The following WDFY2 variants were observed in gnomAD, a reference collection of about 807,000 sequenced individuals.
The protein encoded by WDFY2 is WD repeat and FYVE domain containing 2.
Under a neutral mutation model 56.4 loss-of-function variants are expected in WDFY2, and 36 were observed. The ratio of observed to expected loss-of-function variants is 0.64; its 90% CI spans 0.49 to 0.84. The LOEUF (loss-of-function observed/expected upper bound fraction) is 0.84, where lower values mean the gene tolerates loss of function less well. WDFY2 is among the 40% of genes least tolerant of loss of function. WDFY2 has a pLI of 0.00. For missense variants in WDFY2, 444 were observed against 512.2 expected, an observed-to-expected ratio of 0.87 and a Z score of 1.29; for synonymous variants, 176 against 183.7, an observed-to-expected ratio of 0.96 and a Z score of 0.34.
intron 1 of WDFY2, among the ~76,000 whole-genome samples, chr13:51,617,739 G>C (rs940327933): frequency 6.6e-6 from 1 of 152,110 alleles, no homozygotes; most frequent in Non-Finnish European, 1.5e-5. Flanking sequence ...TTAGTAAAAT[G>C]GTGAGTTAAA....
chr13:51,601,103 T>C (rs1954271121), intron 1 of WDFY2, among the ~76,000 whole-genome samples: 1 of 152,232 alleles, frequency 6.6e-6, no homozygotes, highest in Admixed American at 6.5e-5. Flanking sequence ...AACCATATTT[T>C]CTAAACTCCA....
intron 7 of WDFY2, among the ~76,000 whole-genome samples, chr13:51,740,926 G>A (rs1486984939): frequency 6.6e-6 from 1 of 152,170 alleles, no homozygotes; most frequent in African/African-American, 2.4e-5. Flanking sequence ...ACTTTTGCAC[G>A]ATTTCATGCA....
At chr13:51,687,415 T>C (rs1956078989) in intron 3 of WDFY2, among the ~76,000 whole-genome samples, 1 of 151,830 alleles carries the variant, frequency 6.6e-6, no homozygotes, top group Non-Finnish European at 1.5e-5. Context: ...ATTGGGAATG[T>C]GAGTGTGAGG....
chr13:51,727,848 C>A, intron 6 of WDFY2, 58 bp downstream of exon 6: 1 of 1,493,612 alleles, frequency 6.7e-7, no homozygotes, highest in Non-Finnish European at 9.3e-7. Flanking sequence ...TCGCCTGCTG[C>A]ATCTCCTGAT....
At position 51,756,461 on chromosome 13, in the gene WDFY2, G is replaced by A. The variant is rs1031407630; in HGVS notation, c.1063G>A (p.Glu355Lys). 19 of 1,613,424 alleles carry A rather than the reference G, an allele frequency of 1.2e-5. No homozygotes were observed. The African/African-American group carries it at 1.2e-4, about 10-fold the overall frequency. The change falls in exon 10 of 12, where the codon GAA (glutamate) becomes AAA (lysine). Residue 355 changes from glutamate to lysine, a missense_variant and splice_region_variant. Transcript: ENST00000298125. Reference sequence around the variant, plus strand: ...CTGCCACGAGGCCATCACAGATGAAGAGTAAGTTCCTGCAGCCTGCAGACC... The same window carrying A: ...CTGCCACGAGGCCATCACAGATGAAAAGTAAGTTCCTGCAGCCTGCAGACC... ...DSCHEAITDE[E>K]RAPTATFHDS...
chr13:51,718,445 G>T (rs992964932), intron 4 of WDFY2, among the ~76,000 whole-genome samples: 3 of 152,074 alleles, frequency 2.0e-5, no homozygotes, highest in African/African-American at 7.2e-5. Context: ...TAGGGAGATG[G>T]GTTAACTGAT....
intron 3 of WDFY2, among the ~76,000 whole-genome samples, chr13:51,682,289 C>G (rs1409430363): frequency 6.6e-6 from 1 of 152,178 alleles, no homozygotes; most frequent in African/African-American, 2.4e-5. Context: ...GTTACTTTCC[C>G]TTTGTCCTAG....
intron 4 of WDFY2, among the ~76,000 whole-genome samples, chr13:51,711,475 A>T (rs940484662): frequency 2.0e-5 from 3 of 152,226 alleles, no homozygotes; most frequent in Non-Finnish European, 2.9e-5. Context: ...TGCACAGCAA[A>T]AGAAACTACC....
At chr13:51,676,875 AG>A (rs1204355582) in intron 3 of WDFY2, among the ~76,000 whole-genome samples, 1 of 152,228 alleles carries the variant, frequency 6.6e-6, no homozygotes, top group African/African-American at 2.4e-5. Flanking sequence ...TTCATTACAA[AG>A]GAAATATGAA....
chr13:51,660,973 CTTAGGCAA>C (rs1955601549), intron 2 of WDFY2, among the ~76,000 whole-genome samples: 1 of 152,152 alleles, frequency 6.6e-6, no homozygotes. Flanking sequence ...AAAGTATGTC[CTTAGGCAA>C]TTCAAAATTT....
intron 1 of WDFY2, among the ~76,000 whole-genome samples, chr13:51,611,569 AAC>A (rs1286147220): frequency 6.6e-6 from 1 of 152,212 alleles, no homozygotes; most frequent in Admixed American, 6.5e-5. Context: ...AGGGGTTCAC[AAC>A]ACTGTTGGTT....
At chr13:51,685,573 A>G (rs929132723) in intron 3 of WDFY2, among the ~76,000 whole-genome samples, 8 of 152,208 alleles carry the variant, frequency 5.3e-5, no homozygotes, top group African/African-American at 1.7e-4. Flanking sequence ...ATCATAAGGA[A>G]GGAAAAGTAT....
chr13:51,701,387 G>A (rs992396968), intron 3 of WDFY2, among the ~76,000 whole-genome samples: 3 of 151,936 alleles, frequency 2.0e-5, no homozygotes, highest in Admixed American at 6.5e-5. Flanking sequence ...CAGGCATGGT[G>A]GCATGTACCT....
At chr13:51,646,545 G>A (rs1328617678) in intron 1 of WDFY2, among the ~76,000 whole-genome samples, 2 of 152,180 alleles carry the variant, frequency 1.3e-5, no homozygotes, top group Non-Finnish European at 2.9e-5. Context: ...GACAACAGAG[G>A]TGGCACTTGT....
At chr13:51,634,477 T>G (rs923100025) in intron 1 of WDFY2, among the ~76,000 whole-genome samples, 1 of 152,178 alleles carries the variant, frequency 6.6e-6, no homozygotes, top group Non-Finnish European at 1.5e-5. Context: ...TAAGAGTCAA[T>G]TAAGCTTTTG....
intron 4 of WDFY2, 82 bp downstream of exon 4, chr13:51,703,732 C>CGTA: frequency 8.6e-7 from 1 of 1,162,046 alleles, no homozygotes; most frequent in South Asian, 1.4e-5. Flanking sequence ...AGAATACATA[C>CGTA]TTTACAATCA....
At chr13:51,728,465 C>G (rs1952652187) in intron 6 of WDFY2, among the ~76,000 whole-genome samples, 1 of 152,142 alleles carries the variant, frequency 6.6e-6, no homozygotes, top group Admixed American at 6.5e-5. Context: ...AACTTATCGA[C>G]CCTAGAAAAT....
At chr13:51,630,227 T>C (rs1954925997) in intron 1 of WDFY2, among the ~76,000 whole-genome samples, 1 of 152,224 alleles carries the variant, frequency 6.6e-6, no homozygotes, top group African/African-American at 2.4e-5. Flanking sequence ...CAAATCATCT[T>C]AAACTGAGAA....
At chr13:51,609,605 C>T (rs1954455063) in intron 1 of WDFY2, among the ~76,000 whole-genome samples, 1 of 97,072 alleles carries the variant, frequency 1.0e-5, no homozygotes, top group African/African-American at 4.8e-5. Context: ...ACCCCAACCC[C>T]CGCCCCCCCG....
Sources: allele counts gnomAD v4.1 joint callset (sites outside exome capture counted in the v4.1 genomes callset), GRCh38; gene constraint gnomAD v4.1.1; transcripts MANE v1.5; gene names NCBI Gene and HGNC (gene_info 2026-07-23, HGNC 2026-07-21).